LCLAT1: variants seen among roughly 807,000 people sequenced by gnomAD.
LCLAT1 encodes 1-AGP acyltransferase 8.
A neutral mutation model predicts 30.7 loss-of-function variants in LCLAT1; 11 were observed. That is an observed-to-expected ratio of 0.36 (90% CI 0.23 to 0.59). The LOEUF (loss-of-function observed/expected upper bound fraction) is 0.59, where lower values mean the gene tolerates loss of function less well. Ranked by LOEUF, LCLAT1 falls within the 20% of genes least tolerant of loss-of-function variation. The pLI, the probability that LCLAT1 is intolerant of heterozygous loss-of-function variation, is 0.77. For missense variants in LCLAT1, 402 were observed against 458.6 expected, an observed-to-expected ratio of 0.88 and a Z score of 1.13; for synonymous variants, 155 against 151.3, an observed-to-expected ratio of 1.02 and a Z score of -0.18.
At chr2:30,450,303 T>C (rs187614742) in intron 1 of LCLAT1, among the ~76,000 whole-genome samples, 2 of 152,274 alleles carry the variant, frequency 1.3e-5, no homozygotes, top group East Asian at 3.9e-4. Flanking sequence ...AGAGCAAAGC[T>C]AGGACAAGTG....
intron 3 of LCLAT1, among the ~76,000 whole-genome samples, chr2:30,549,674 C>T (rs181324319): frequency 6.6e-6 from 1 of 152,278 alleles, no homozygotes; most frequent in African/African-American, 2.4e-5. Context: ...GATAATTTGA[C>T]TTCCATGCCT....
At chr2:30,505,641 G>A (rs1684621924) in intron 1 of LCLAT1, among the ~76,000 whole-genome samples, 1 of 152,096 alleles carries the variant, frequency 6.6e-6, no homozygotes, top group South Asian at 2.1e-4. Context: ...TAAAGAAACA[G>A]AGTATTACCA....
chr2:30,497,244 C>G (rs1195560554), intron 1 of LCLAT1, among the ~76,000 whole-genome samples: 2 of 152,200 alleles, frequency 1.3e-5, no homozygotes, highest in Non-Finnish European at 2.9e-5. Flanking sequence ...ATCCCACTAA[C>G]TCATTTAATT....
intron 3 of LCLAT1, among the ~76,000 whole-genome samples, chr2:30,542,423 A>T (rs1428815650): frequency 6.6e-6 from 1 of 152,134 alleles, no homozygotes; most frequent in Non-Finnish European, 1.5e-5. Context: ...TTTTATTAAA[A>T]AGTCTACCCA....
At position 30,557,283 on chromosome 2, in the gene LCLAT1, C is replaced by CGTGTGTGTGTGTGT. The variant is rs373793652; in HGVS notation, c.365-4832_365-4819dup. ...TGTAGGACAGTGTAGAAGGTATGAT[C>CGTGTGTGTGTGTGT]GTGTGTGTGTGTGTGTGTGTGTGTG... On this transcript the variant is annotated intron_variant, in intron 3 of 5. Coordinates refer to ENST00000379509, the MANE Select transcript of LCLAT1 (RefSeq NM_001002257.3). Among the ~76,000 whole-genome samples, 148 of 138,642 alleles carry CGTGTGTGTGTGTGT rather than the reference C, an allele frequency of 1.1e-3. 1 individual carries two copies. Among genetic ancestry groups the CGTGTGTGTGTGTGT allele is most frequent in the African/African-American group, 3.5e-3 (126 of 36,336 alleles). The allele number at this position is 138,642 out of a possible 152,430, so 91.0% of individuals were successfully genotyped here. A position where few individuals can be genotyped will look rare whatever the true frequency, so the allele number is the denominator to read the frequency against.
At chr2:30,632,946 T>C (rs754431814) in intron 5 of LCLAT1, among the ~76,000 whole-genome samples, 2 of 152,256 alleles carry the variant, frequency 1.3e-5, no homozygotes, top group South Asian at 4.1e-4. Flanking sequence ...GTTTGAGCCT[T>C]AATACCAGTT....
At position 30,640,864 on chromosome 2, in the gene LCLAT1, A is replaced by T. The variant is rs2148541455; in HGVS notation, c.*245A>T. ...TCGGGGTGAAATAACTTGGGCCAGAATATTATTAAACAATCATCAGGCTTT... is the reference window on the plus strand; with the variant it reads ...TCGGGGTGAAATAACTTGGGCCAGATTATTATTAAACAATCATCAGGCTTT... On this transcript the variant is annotated 3_prime_UTR_variant, in exon 6 of 6. Coordinates refer to ENST00000379509, the MANE Select transcript of LCLAT1 (RefSeq NM_001002257.3). 1 of 416,704 alleles carries T rather than the reference A, an allele frequency of 2.4e-6. No individual in the cohort carries two copies. Among genetic ancestry groups the T allele is most frequent in the African/African-American group, 2.1e-5 (1 of 48,114 alleles). The allele number at this position is 416,704 out of a possible 1,614,324, so 25.8% of individuals were successfully genotyped here.
At chr2:30,594,383 A>G (rs1666832931) in intron 5 of LCLAT1, among the ~76,000 whole-genome samples, 1 of 152,180 alleles carries the variant, frequency 6.6e-6, no homozygotes, top group Admixed American at 6.6e-5. Flanking sequence ...AGTCTCCTCC[A>G]AGCATTTATT....
chr2:30,631,302 C>T lies in LCLAT1; in HGVS notation c.629-8815C>T, dbSNP rs534285592. ...TTCTCTAGAAGCCCTAGACATACTC[C>T]TCTCATGTCTCATTGTCCCAAATTG... On this transcript the variant is annotated intron_variant, in intron 5 of 5. Transcript: ENST00000379509. 2.2e-4 allele frequency among the ~76,000 whole-genome samples: 33 copies of T among 152,274 alleles called. No homozygotes were observed. In the East Asian group the frequency reaches 6.0e-3, roughly 28 times the overall value.
At chr2:30,590,681 A>G (rs1666650992) in intron 5 of LCLAT1, among the ~76,000 whole-genome samples, 1 of 151,892 alleles carries the variant, frequency 6.6e-6, no homozygotes, top group South Asian at 2.1e-4. Context: ...TTTGAAACTC[A>G]GTAAGAGTTT....
chr2:30,461,924 C>T (rs1489738286), intron 1 of LCLAT1, among the ~76,000 whole-genome samples: 1 of 151,330 alleles, frequency 6.6e-6, no homozygotes, highest in African/African-American at 2.4e-5. Context: ...GCGCCCGCCA[C>T]CACGCCCGGC....
chr2:30,495,103 A>G (rs1684042007), intron 1 of LCLAT1, among the ~76,000 whole-genome samples: 1 of 152,160 alleles, frequency 6.6e-6, no homozygotes. Context: ...TCTTAAAAGT[A>G]AAGTACACAG....
In LCLAT1 at chr2:30,477,793, G is replaced by A. The variant is rs146528927; in HGVS notation, c.-5+30410G>A. On this transcript the variant is annotated intron_variant, in intron 1 of 5. Transcript: ENST00000379509. ...TAAGAAGTCTAGAAAGATTGAGCAG[G>A]GCTCCCGAGAAGAATATTTTAATGA... 3.3e-5 allele frequency among the ~76,000 whole-genome samples: 5 copies of A among 152,184 alleles called. No individual in the cohort carries two copies. In the East Asian group the frequency reaches 9.7e-4, roughly 29 times the overall value.
intron 5 of LCLAT1, among the ~76,000 whole-genome samples, chr2:30,594,715 T>C (rs1666853586): frequency 6.6e-6 from 1 of 152,198 alleles, no homozygotes; most frequent in Non-Finnish European, 1.5e-5. Context: ...GTAATCTTTT[T>C]TTCTGTTCTC....
intron 5 of LCLAT1, among the ~76,000 whole-genome samples, chr2:30,637,453 A>G (rs1487772227): frequency 6.6e-6 from 1 of 152,116 alleles, no homozygotes; most frequent in Non-Finnish European, 1.5e-5. Flanking sequence ...CCCACCTTTC[A>G]GCATGTAAAT....
Position 30,474,669 on chromosome 2 carries a change from A to C in LCLAT1, c.-5+27286A>C, listed in dbSNP as rs777989147. 1.7e-4 allele frequency among the ~76,000 whole-genome samples: 25 copies of C among 145,942 alleles called. No homozygotes were observed. In the Middle Eastern group the frequency reaches 0.01, roughly 61 times the overall value. On this transcript the variant is annotated intron_variant, in intron 1 of 5. Coordinates refer to ENST00000379509, the MANE Select transcript of LCLAT1 (RefSeq NM_001002257.3). ...TTTAACTTTTTTTTTTTTTTTTCTAAATAGGGCCTCACTCTATCACCCAGG... is the reference window on the plus strand; with the variant it reads ...TTTAACTTTTTTTTTTTTTTTTCTACATAGGGCCTCACTCTATCACCCAGG...
intron 2 of LCLAT1, among the ~76,000 whole-genome samples, chr2:30,526,285 C>G (rs1468424831): frequency 6.6e-6 from 1 of 152,008 alleles, no homozygotes; most frequent in Non-Finnish European, 1.5e-5. Flanking sequence ...ACGTATGTCA[C>G]AAAGGCTCTC....
At chr2:30,454,445 A>G (rs1210393568) in intron 1 of LCLAT1, among the ~76,000 whole-genome samples, 1 of 151,720 alleles carries the variant, frequency 6.6e-6, no homozygotes, top group African/African-American at 2.4e-5. Flanking sequence ...AGGTTTTTTT[A>G]TTTTTTATTT....
intron 3 of LCLAT1, among the ~76,000 whole-genome samples, chr2:30,554,009 C>G (rs1664801112): frequency 6.6e-6 from 1 of 151,960 alleles, no homozygotes; most frequent in Non-Finnish European, 1.5e-5. Flanking sequence ...GGAAAAAAAC[C>G]CAAACCCCTT....
Sources: gnomAD v4.1 joint callset for allele counts (sites outside exome capture counted in the v4.1 genomes callset) on GRCh38, gnomAD v4.1.1 for gene constraint, MANE v1.5 for transcripts, NCBI Gene and HGNC (gene_info 2026-07-23, HGNC 2026-07-21) for gene names.